The following EML4 variants were observed in gnomAD, a reference collection of about 807,000 sequenced individuals.
The protein encoded by EML4 is echinoderm microtubule-associated protein-like 4.
A neutral mutation model predicts 129.0 loss-of-function variants in EML4; 72 were observed. The observed-to-expected ratio is 0.56, with a 90% CI of 0.46 to 0.68. EML4 has a LOEUF of 0.68. Among genes scored for constraint, EML4 ranks in the 30% least tolerant of loss-of-function variants. The pLI is 0.00. For synonymous variants in EML4, 532 were observed against 405.0 expected, an observed-to-expected ratio of 1.31 and a Z score of -3.77; for missense variants, 1,363 against 1,190.6, an observed-to-expected ratio of 1.14 and a Z score of -2.13.
intron 1 of EML4, among the ~76,000 whole-genome samples, chr2:42,189,686 C>A (rs1055345245): frequency 1.3e-5 from 2 of 152,170 alleles, no homozygotes; most frequent in Non-Finnish European, 2.9e-5. Flanking sequence ...AAAGAGGAAA[C>A]TATAAGGTTT....
rs761759797 is a variant in EML4 at position 42,280,977 on chromosome 2, T to C, written c.791+4T>C. 1 of 1,587,650 alleles carries C rather than the reference T, an allele frequency of 6.3e-7. No individual in the cohort carries two copies. Among genetic ancestry groups the C allele is most frequent in the Non-Finnish European group, 8.5e-7 (1 of 1,169,862 alleles). ...AGAAGCTCAAACTGGAGTGGGCGTA[T>C]CCTTCTCTACCATGACAGCAAATTC... On this transcript the variant is annotated splice_donor_region_variant and intron_variant, in intron 7 of 22. Transcript: ENST00000318522.
At chr2:42,300,207 A>T (rs1374753502) in intron 13 of EML4, among the ~76,000 whole-genome samples, 1 of 152,218 alleles carries the variant, frequency 6.6e-6, no homozygotes, top group African/African-American at 2.4e-5. Flanking sequence ...GCCATATTTC[A>T]ATAAGGTTCT....
intron 1 of EML4, among the ~76,000 whole-genome samples, chr2:42,244,168 G>A (rs1003826950): frequency 2.1e-5 from 3 of 145,342 alleles, no homozygotes; most frequent in African/African-American, 5.2e-5. Flanking sequence ...GCGTGATCTC[G>A]GCTCACTGCA....
chr2:42,265,067 A>C, intron 6 of EML4: 1 of 988,684 alleles, frequency 1.0e-6, no homozygotes, highest in South Asian at 1.5e-5. Context: ...AAATACAGTG[A>C]TTTGAGCTAG....
intron 1 of EML4, among the ~76,000 whole-genome samples, chr2:42,243,984 G>C (rs989545078): frequency 1.4e-5 from 2 of 140,764 alleles, no homozygotes; most frequent in African/African-American, 2.7e-5. Flanking sequence ...CTTGCCCTCA[G>C]TGTAAGCCAA....
rs74613067 is a variant in EML4 at position 42,280,655 on chromosome 2, C to G, written c.668-195C>G. ...ATTGAGCATCCATGGATTTGGGTAT[C>G]TGAGGAAGGTGTTCCTAAAATCAGT... On this transcript the variant is annotated intron_variant, in intron 6 of 22. Transcript: ENST00000318522. Among the ~76,000 whole-genome samples, 430 of 152,260 alleles carry G rather than the reference C, an allele frequency of 2.8e-3. 3 individuals are homozygous for G. Among genetic ancestry groups the G allele is most frequent in the African/African-American group, 9.3e-3 (386 of 41,556 alleles).
chr2:42,196,164 G>A (rs1046642193), intron 1 of EML4, among the ~76,000 whole-genome samples: 28 of 152,080 alleles, frequency 1.8e-4, no homozygotes, highest in Non-Finnish European at 3.1e-4. Context: ...GAACCCTAGC[G>A]TTCATTCAGT....
chr2:42,206,479 T>C (rs1270286849), intron 1 of EML4, among the ~76,000 whole-genome samples: 2 of 152,156 alleles, frequency 1.3e-5, no homozygotes, highest in African/African-American at 4.8e-5. Flanking sequence ...CCTCCCAAAG[T>C]GTTGGGATTA....
intron 1 of EML4, among the ~76,000 whole-genome samples, chr2:42,185,668 T>C (rs13421289): frequency 0.13 from 20,406 of 152,160 alleles, 1,347 homozygotes; most frequent in East Asian, 0.18. Context: ...ATATTACTGA[T>C]TATCTTCAGC....
rs1670052184 is a variant in EML4 at position 42,330,579 on chromosome 2, C to T, written c.*372C>T. 2.4e-6 allele frequency: 1 copy of T among 411,066 alleles called. No individual in the cohort carries two copies. Among genetic ancestry groups the T allele is most frequent in the Non-Finnish European group, 4.6e-6 (1 of 218,070 alleles). The allele number at this position is 411,066 out of a possible 1,614,324, so 25.5% of individuals were successfully genotyped here. Reference sequence around the variant, plus strand: ...TTTCTTCAGGAACAACCAGAGGTATCACAAACACTGTTACTCATCTACTGG... The same window carrying T: ...TTTCTTCAGGAACAACCAGAGGTATTACAAACACTGTTACTCATCTACTGG... On this transcript the variant is annotated 3_prime_UTR_variant, in exon 23 of 23. Transcript: ENST00000318522.
At chr2:42,256,435 T>G (rs1676154569) in intron 2 of EML4, 66 bp from the exon 3 acceptor site, 1 of 1,494,760 alleles carries the variant, frequency 6.7e-7, no homozygotes, top group African/African-American at 1.4e-5. Context: ...GGACTTAATT[T>G]TAAAATTTAG....
chr2:42,304,572 G>A (rs1421916636), intron 17 of EML4, 21 bp downstream of exon 17: 1 of 1,581,594 alleles, frequency 6.3e-7, no homozygotes, highest in Non-Finnish European at 8.7e-7. Context: ...TAAGTGAACT[G>A]AGTAATCTGA....
rs190506902 is a variant in EML4 at position 42,200,991 on chromosome 2, C to A, written c.25+31355C>A. On this transcript the variant is annotated intron_variant, in intron 1 of 22. Transcript: ENST00000318522. The stretch of plus-strand genomic sequence containing the variant: ...TGACCCTAAGAAATTAAGTGAATTG[C>A]ATCCTCTAATTGTTGTCTATAGCAG... Among the ~76,000 whole-genome samples the A allele has an allele frequency of 5.9e-5, 9 of 152,260 alleles. No individual in the cohort carries two copies. The East Asian group carries it at 1.7e-3, about 29-fold the overall frequency.
chr2:42,282,250 A>T (rs1317940882), intron 7 of EML4, among the ~76,000 whole-genome samples: 1 of 151,862 alleles, frequency 6.6e-6, no homozygotes, highest in African/African-American at 2.4e-5. Context: ...TTCAGAACTG[A>T]ATGTTCACCA....
intron 19 of EML4, among the ~76,000 whole-genome samples, chr2:42,322,821 A>T (rs1263858881): frequency 6.6e-6 from 1 of 152,218 alleles, no homozygotes; most frequent in Non-Finnish European, 1.5e-5. Context: ...GGGGAGGGTA[A>T]CATAGACCCC....
chr2:42,171,277 G>A (rs533078404), intron 1 of EML4, among the ~76,000 whole-genome samples: 1 of 152,294 alleles, frequency 6.6e-6, no homozygotes, highest in East Asian at 1.9e-4. Context: ...CTTCTTAGGG[G>A]ATGTTGTGGA....
intron 13 of EML4, among the ~76,000 whole-genome samples, chr2:42,295,807 C>T (rs1445397835): frequency 1.3e-5 from 2 of 152,172 alleles, no homozygotes; most frequent in East Asian, 3.9e-4. Flanking sequence ...TATAAAGGCT[C>T]ACTTTCCCCT....
At chr2:42,302,058 C>G (rs1021977522) in intron 14 of EML4, among the ~76,000 whole-genome samples, 7 of 151,910 alleles carry the variant, frequency 4.6e-5, no homozygotes, top group African/African-American at 9.7e-5. Context: ...CAGAATCATT[C>G]TTTGAGATTA....
chr2:42,314,825 C>T (rs1038237956), intron 17 of EML4, among the ~76,000 whole-genome samples: 1 of 152,136 alleles, frequency 6.6e-6, no homozygotes, highest in African/African-American at 2.4e-5. Flanking sequence ...CTGGTCTTAC[C>T]ACGCTCTTCT....
Sources: gnomAD v4.1 joint callset for allele counts (sites outside exome capture counted in the v4.1 genomes callset) on GRCh38, gnomAD v4.1.1 for gene constraint, MANE v1.5 for transcripts, NCBI Gene and HGNC (gene_info 2026-07-23, HGNC 2026-07-21) for gene names.